The following ANO3 variants were observed in gnomAD, a reference collection of about 807,000 sequenced individuals.
The protein encoded by ANO3 is anoctamin-3.
In ANO3, 99 loss-of-function variants were observed where a neutral mutation model predicts 144.8. That is an observed-to-expected ratio of 0.68 (90% CI 0.58 to 0.81). The LOEUF is 0.81. Among genes scored for constraint, ANO3 ranks in the 30% least tolerant of loss-of-function variants. The pLI, the probability that ANO3 is intolerant of heterozygous loss-of-function variation, is 0.00. For missense variants in ANO3, 905 were observed against 1,202.2 expected, an observed-to-expected ratio of 0.75 and a Z score of 3.66; for synonymous variants, 414 against 392.6, an observed-to-expected ratio of 1.05 and a Z score of -0.64.
intron 3 of ANO3, among the ~76,000 whole-genome samples, chr11:26,447,154 C>T (rs2029712): frequency 4.9e-5 from 7 of 143,872 alleles, no homozygotes; most frequent in Non-Finnish European, 8.9e-5. Flanking sequence ...CTACAGTGAG[C>T]TATGATCACA....
At chr11:26,223,152 T>A (rs1852183453) in intron 1 of ANO3, among the ~76,000 whole-genome samples, 1 of 152,180 alleles carries the variant, frequency 6.6e-6, no homozygotes, top group African/African-American at 2.4e-5. Flanking sequence ...GGTCCTGTAT[T>A]TGATCATAGG....
chr11:26,504,416 C>G (rs978586554), intron 4 of ANO3, among the ~76,000 whole-genome samples: 8 of 152,058 alleles, frequency 5.3e-5, no homozygotes, highest in African/African-American at 1.9e-4. Context: ...TGGCTGTGGA[C>G]TAGATGTTTA....
intron 8 of ANO3, among the ~76,000 whole-genome samples, chr11:26,533,466 T>C (rs1216134066): frequency 6.6e-6 from 1 of 152,048 alleles, no homozygotes; most frequent in Non-Finnish European, 1.5e-5. Context: ...GTTAGACATA[T>C]AAAACTGAAG....
intron 1 of ANO3, among the ~76,000 whole-genome samples, chr11:26,334,566 A>C (rs746744737): frequency 6.6e-6 from 1 of 152,212 alleles, no homozygotes; most frequent in Non-Finnish European, 1.5e-5. Flanking sequence ...TCTTCAACAA[A>C]GTGGTTAATT....
At chr11:26,224,543 C>T (rs60595566) in intron 1 of ANO3, among the ~76,000 whole-genome samples, 1 of 152,356 alleles carries the variant, frequency 6.6e-6, no homozygotes, top group African/African-American at 2.4e-5. Context: ...CCAATAGTAC[C>T]CTTATGCCCT....
At chr11:26,525,534 C>A in intron 6 of ANO3, 101 bp from the exon 7 acceptor site, 1 of 869,570 alleles carries the variant, frequency 1.1e-6, no homozygotes, top group Non-Finnish European at 1.8e-6. Flanking sequence ...GCATACGGAA[C>A]TTGGAGTATA....
At chr11:26,530,706 T>A (rs28664762) in intron 7 of ANO3, among the ~76,000 whole-genome samples, 1 of 150,764 alleles carries the variant, frequency 6.6e-6, no homozygotes, top group East Asian at 2.0e-4. Context: ...CAAAAAAAAA[T>A]AAAAATAAAA....
Position 26,288,572 on chromosome 11 carries a change from T to C in ANO3, c.155-21073T>C, listed in dbSNP as rs552069200. On this transcript the variant is annotated intron_variant, in intron 1 of 27. Coordinates refer to the ANO3 transcript ENST00000672621. ...GATAATGAACACAAACTGGGGTTAA[T>C]AAATAGGTATACTTCCGGTGGCCTC... Among the ~76,000 whole-genome samples the C allele has an allele frequency of 3.3e-5, 5 of 152,290 alleles. No individual in the cohort carries two copies. In the East Asian group the frequency reaches 7.7e-4, roughly 24 times the overall value.
At chr11:26,601,996 A>G (rs1851811028) in intron 17 of ANO3, among the ~76,000 whole-genome samples, 1 of 152,140 alleles carries the variant, frequency 6.6e-6, no homozygotes, top group African/African-American at 2.4e-5. Flanking sequence ...AGTTGAAGCA[A>G]AAAGGGCCCT....
At chr11:26,276,246 C>A (rs1026017846) in intron 1 of ANO3, among the ~76,000 whole-genome samples, 2 of 151,990 alleles carry the variant, frequency 1.3e-5, no homozygotes, top group African/African-American at 4.8e-5. Context: ...GAAGAGTCAC[C>A]TAAGACTCTT....
intron 1 of ANO3, among the ~76,000 whole-genome samples, chr11:26,407,084 A>ATATATATG (rs1857308835): frequency 7.0e-6 from 1 of 142,802 alleles, no homozygotes; most frequent in African/African-American, 2.5e-5. Context: ...GTGTATATAT[A>ATATATATG]TATATATATG....
intron 3 of ANO3, among the ~76,000 whole-genome samples, chr11:26,444,094 T>G (rs1590363941): frequency 6.6e-6 from 1 of 152,320 alleles, no homozygotes; most frequent in East Asian, 1.9e-4. Context: ...AAATTTCAAT[T>G]TTTTAAGAAC....
chr11:26,375,043 C>T (rs1000516443), intron 1 of ANO3, among the ~76,000 whole-genome samples: 8 of 152,262 alleles, frequency 5.3e-5, no homozygotes, highest in Middle Eastern at 3.4e-3. Flanking sequence ...CATGCCTGGC[C>T]GTGTGCACTT....
chr11:26,470,674 A>G (rs1467331906), intron 4 of ANO3, among the ~76,000 whole-genome samples: 1 of 152,024 alleles, frequency 6.6e-6, no homozygotes, highest in Non-Finnish European at 1.5e-5. Context: ...TGTGCAGTAT[A>G]ATGCCAATTC....
rs1309606961 is a variant in ANO3, at chr11:26,598,897, A to T, written c.1570A>T (p.Met524Leu). 6.2e-7 allele frequency: 1 copy of T among 1,614,000 alleles called. No homozygotes were observed. Among genetic ancestry groups the T allele is most frequent in the South Asian group, 1.1e-5 (1 of 91,070 alleles). ...RPQFEAKYYKMEIVNPITGKP... is the reference protein window; with the variant it reads ...RPQFEAKYYKLEIVNPITGKP... The stretch of plus-strand genomic sequence containing the variant: ...CCAGTTTGAAGCCAAGTATTACAAG[A>T]TGGAGATTGTAAATCCCATCACGGG... The change falls in exon 16 of 27, where the codon ATG (methionine) becomes TTG (leucine). Residue 524 changes from methionine to leucine, a missense_variant. Physicochemically the swap from Met to Leu is conservative, Grantham distance 15. This residue lies in a region of ANO3 where 597 missense variants were observed against 865.1 expected (regional missense o/e 0.69). Transcript: ENST00000256737.
chr11:26,294,206 A>G (rs573105578), intron 1 of ANO3, among the ~76,000 whole-genome samples: 2 of 152,316 alleles, frequency 1.3e-5, no homozygotes, highest in Non-Finnish European at 2.9e-5. Context: ...TATCCTGAAA[A>G]TATGATGATT....
intron 4 of ANO3, among the ~76,000 whole-genome samples, chr11:26,477,644 C>T (rs1189961713): frequency 6.6e-6 from 1 of 152,000 alleles, no homozygotes; most frequent in Non-Finnish European, 1.5e-5. Context: ...TTGTAATTAC[C>T]TTTGCATTGT....
intron 3 of ANO3, among the ~76,000 whole-genome samples, chr11:26,461,363 G>T (rs1047929926): frequency 6.6e-6 from 1 of 151,966 alleles, no homozygotes; most frequent in African/African-American, 2.4e-5. Context: ...CAGTTTACCT[G>T]TGTGTCTAAC....
chr11:26,313,871 TTATAATATAA>T (rs59751659), intron 1 of ANO3, among the ~76,000 whole-genome samples: 55 of 147,520 alleles, frequency 3.7e-4, no homozygotes, highest in East Asian at 2.2e-3. Context: ...AAATTAAATA[TTATAATATAA>T]TATAATATAA....
Sources: gnomAD v4.1 joint callset for allele counts (sites outside exome capture counted in the v4.1 genomes callset) on GRCh38, gnomAD v4.1.1 for gene constraint, gnomAD v4.1.1 regional missense constraint, MANE v1.5 for transcripts, NCBI Gene and HGNC (gene_info 2026-07-23, HGNC 2026-07-21) for gene names.